The following VPS41 variants were observed in gnomAD, a reference collection of about 807,000 sequenced individuals.
VPS41 encodes the protein vacuolar protein sorting-associated protein 41 homolog.
A neutral mutation model predicts 130.9 loss-of-function variants in VPS41; 85 were observed. That is an observed-to-expected ratio of 0.65 (90% confidence interval 0.55 to 0.78). The LOEUF (loss-of-function observed/expected upper bound fraction) is 0.78. VPS41 is among the 30% of genes least tolerant of loss of function. The pLI, the probability that VPS41 is intolerant of heterozygous loss-of-function variation, is 0.00. For synonymous variants in VPS41, 335 were observed against 332.9 expected, an observed-to-expected ratio of 1.01 and a Z score of -0.07; for missense variants, 874 against 1,018.7, an observed-to-expected ratio of 0.86 and a Z score of 1.93.
chr7:38,874,333 C>CGTTTTGTTTT (rs1281421382), intron 2 of VPS41, among the ~76,000 whole-genome samples: 2 of 152,074 alleles, frequency 1.3e-5, no homozygotes, highest in African/African-American at 4.8e-5. Context: ...TATTAAAATC[C>CGTTTTGTTTT]ATTTTGTTTT....
intron 28 of VPS41, among the ~76,000 whole-genome samples, chr7:38,726,536 G>A (rs1396455970): frequency 1.3e-5 from 2 of 152,106 alleles, no homozygotes; most frequent in African/African-American, 2.4e-5. Flanking sequence ...AGCAGAATAC[G>A]TCTAATGTGA....
Position 38,785,181 on chromosome 7 carries a change from T to C in VPS41, c.784+4620A>G, listed in dbSNP as rs916572810. On this transcript the variant is annotated intron_variant, in intron 10 of 28. Transcript: ENST00000310301. ...AATACCCACAGACTTTTCAATAAGT[T>C]TAGACATTCTGTCAGCATGACCACT... Among the ~76,000 whole-genome samples the C allele has an allele frequency of 6.6e-5, 10 of 152,210 alleles. No homozygotes were observed. The East Asian group carries it at 9.6e-4, about 15-fold the overall frequency.
chr7:38,758,343 A>G lies in VPS41; in HGVS notation c.1550+11T>C, dbSNP rs375905416. ...ACTGATATGGAAAAAGAAACACTTA[A>G]GTATACTCACAATTCTGCCAGGGTT... On this transcript the variant is annotated intron_variant, in intron 18 of 28. Transcript: ENST00000310301. 1 of 1,600,760 alleles carries G rather than the reference A, an allele frequency of 6.2e-7. No individual in the cohort carries two copies. Among genetic ancestry groups the G allele is most frequent in the East Asian group, 2.2e-5 (1 of 44,708 alleles).
chr7:38,790,904 T>C (rs893864225), intron 9 of VPS41, among the ~76,000 whole-genome samples: 8 of 152,256 alleles, frequency 5.3e-5, no homozygotes, highest in African/African-American at 1.9e-4. Context: ...TTTAGGACTT[T>C]TGTTTACTTA....
intron 10 of VPS41, among the ~76,000 whole-genome samples, chr7:38,781,688 C>A (rs1784356412): frequency 6.6e-6 from 1 of 152,170 alleles, no homozygotes; most frequent in East Asian, 1.9e-4. Flanking sequence ...TGCTCCCCTT[C>A]TATTCCTCTT....
intron 7 of VPS41, among the ~76,000 whole-genome samples, chr7:38,798,632 C>G (rs896404111): frequency 1.3e-5 from 2 of 152,098 alleles, no homozygotes; most frequent in Admixed American, 1.3e-4. Flanking sequence ...ATCAAAATGT[C>G]TATCTTCTAT....
intron 24 of VPS41, among the ~76,000 whole-genome samples, chr7:38,742,899 G>A (rs1157381447): frequency 6.6e-6 from 1 of 152,024 alleles, no homozygotes; most frequent in Non-Finnish European, 1.5e-5. Flanking sequence ...GTCAAGCTGA[G>A]GACCAACAAA....
chr7:38,897,613 C>T (rs563917153), intron 2 of VPS41, among the ~76,000 whole-genome samples: 1 of 148,320 alleles, frequency 6.7e-6, no homozygotes, highest in South Asian at 2.1e-4. Context: ...CCACTACACT[C>T]CAGCCTGGGC....
At chr7:38,766,191 G>A (rs769901509) in intron 15 of VPS41, among the ~76,000 whole-genome samples, 1 of 152,160 alleles carries the variant, frequency 6.6e-6, no homozygotes, top group African/African-American at 2.4e-5. Context: ...AATAACCTCA[G>A]GAGACGAGAA....
rs141105785 is a variant in VPS41 at position 38,795,093 on chromosome 7, A to C, written c.717+372T>G. The stretch of plus-strand genomic sequence containing the variant: ...ATCAATAACTCTAATGAAGAAGTGA[A>C]GGGTCAAAGCTAAGGGAAAATGAAA... On this transcript the variant is annotated intron_variant, in intron 9 of 28. Transcript: ENST00000310301. Among the ~76,000 whole-genome samples the C allele has an allele frequency of 2.2e-4, 34 of 152,282 alleles. No homozygotes were observed. The East Asian group carries it at 6.4e-3, about 29-fold the overall frequency.
rs1168042418 is a variant in VPS41 at position 38,724,128 on chromosome 7, TTTAA to T, written c.*2114_*2117del. The T allele has an allele frequency of 2.0e-5, 3 of 152,232 alleles. No homozygotes were observed. Among genetic ancestry groups the T allele is most frequent in the Admixed American group, 6.5e-5 (1 of 15,290 alleles). 9.4% of individuals were successfully genotyped at this position (152,232 alleles called of 1,614,324 possible). A position where few individuals can be genotyped will look rare whatever the true frequency, so the allele number is the denominator to read the frequency against. On this transcript the variant is annotated 3_prime_UTR_variant, in exon 29 of 29. Coordinates refer to ENST00000310301, the MANE Select transcript of VPS41 (RefSeq NM_014396.4). The stretch of plus-strand genomic sequence containing the variant: ...ATCAGTTACTTAAAAATGAAGACTG[TTTAA>T]TTATTTTCTCCTTTTCTATAAGTAG...
chr7:38,867,145 C>G (rs987260803), intron 3 of VPS41, among the ~76,000 whole-genome samples: 1 of 152,112 alleles, frequency 6.6e-6, no homozygotes, highest in African/African-American at 2.4e-5. Context: ...TTTCTGGTTA[C>G]TTGGAGGTAG....
intron 10 of VPS41, among the ~76,000 whole-genome samples, chr7:38,782,702 G>A (rs762773332): frequency 7.9e-5 from 12 of 152,140 alleles, no homozygotes; most frequent in East Asian, 5.8e-4. Context: ...TCTGGCCCTC[G>A]ATAGCATACA....
chr7:38,845,372 T>C (rs926420580), intron 4 of VPS41, among the ~76,000 whole-genome samples: 10 of 152,216 alleles, frequency 6.6e-5, no homozygotes, highest in African/African-American at 1.7e-4. Flanking sequence ...CTTGCACTTA[T>C]TGAGCTTACA....
intron 17 of VPS41, among the ~76,000 whole-genome samples, chr7:38,761,628 G>A (rs1031584468): frequency 4.6e-5 from 7 of 151,440 alleles, no homozygotes; most frequent in Non-Finnish European, 8.8e-5. Context: ...GTCCCACTCC[G>A]TCACCTAAGC....
chr7:38,803,966 T>C (rs1016545844), intron 7 of VPS41, among the ~76,000 whole-genome samples: 1 of 152,204 alleles, frequency 6.6e-6, no homozygotes, highest in African/African-American at 2.4e-5. Flanking sequence ...CCCAAATATA[T>C]TATTTCCTTA....
intron 10 of VPS41, among the ~76,000 whole-genome samples, 184 bp from the exon 11 acceptor site, chr7:38,776,960 C>T (rs1224182692): frequency 1.3e-5 from 2 of 152,156 alleles, no homozygotes; most frequent in Non-Finnish European, 2.9e-5. Flanking sequence ...ATCCTGGAAA[C>T]GAATATGTGG....
intron 9 of VPS41, among the ~76,000 whole-genome samples, chr7:38,792,403 A>C (rs1784551058): frequency 6.6e-6 from 1 of 152,164 alleles, no homozygotes; most frequent in Admixed American, 6.5e-5. Flanking sequence ...TTTCACTCTA[A>C]ACATGCTTTA....
intron 25 of VPS41, among the ~76,000 whole-genome samples, chr7:38,737,726 CCAT>C (rs1795797338): frequency 6.6e-5 from 10 of 152,178 alleles, no homozygotes; most frequent in African/African-American, 2.4e-4. Flanking sequence ...AGAGGAGTTT[CCAT>C]CACAGTGGAA....
Sources: allele counts gnomAD v4.1 joint callset (sites outside exome capture counted in the v4.1 genomes callset), GRCh38; gene constraint gnomAD v4.1.1; transcripts MANE v1.5; gene names NCBI Gene and HGNC (gene_info 2026-07-23, HGNC 2026-07-21).